TMEM132C: variants seen among roughly 807,000 people sequenced by gnomAD.
TMEM132C encodes protein phosphatase 1, regulatory subunit 152.
A neutral mutation model predicts 61.4 loss-of-function variants in TMEM132C; 29 were observed. That is an observed-to-expected ratio of 0.47 (90% confidence interval 0.35 to 0.64). The LOEUF is 0.64. Ranked by LOEUF, TMEM132C falls within the 30% of genes least tolerant of loss-of-function variation. The pLI is 0.00. For missense variants in TMEM132C, 1,408 were observed against 1,476.9 expected, an observed-to-expected ratio of 0.95 and a Z score of 0.76; for synonymous variants, 656 against 633.1, an observed-to-expected ratio of 1.04 and a Z score of -0.54.
At chr12:128,619,708 G>A (rs1953942275) in intron 4 of TMEM132C, among the ~76,000 whole-genome samples, 1 of 151,906 alleles carries the variant, frequency 6.6e-6, no homozygotes, top group Non-Finnish European at 1.5e-5. Flanking sequence ...GATGGGGTGA[G>A]AGAGGTATCT....
intron 1 of TMEM132C, among the ~76,000 whole-genome samples, chr12:128,289,504 G>A (rs6486496): frequency 0.15 from 22,432 of 152,082 alleles, 2,012 homozygotes; most frequent in East Asian, 0.35. Flanking sequence ...CCAAGAACAC[G>A]GCGTACCTGG....
At chr12:128,517,718 G>A (rs79508453) in intron 2 of TMEM132C, among the ~76,000 whole-genome samples, 5,269 of 152,128 alleles carry the variant, frequency 0.035, 245 homozygotes, top group African/African-American at 0.11. Context: ...CATTGCAGAC[G>A]TTGTTATTGG....
chr12:128,268,275 G>T (rs7310371), intron 1 of TMEM132C, among the ~76,000 whole-genome samples: 54,597 of 152,184 alleles, frequency 0.36, 10,114 homozygotes, highest in Middle Eastern at 0.44. Flanking sequence ...AACGTATGGC[G>T]CCCGCAGGGC....
chr12:128,433,880 C>T (rs35667766), intron 2 of TMEM132C, among the ~76,000 whole-genome samples: 27,711 of 152,234 alleles, frequency 0.18, 2,933 homozygotes, highest in East Asian at 0.32. Flanking sequence ...CCCTATGTTT[C>T]CTGTGCAGTA....
intron 1 of TMEM132C, among the ~76,000 whole-genome samples, chr12:128,289,289 C>T (rs923611872): frequency 2.6e-5 from 4 of 152,164 alleles, no homozygotes; most frequent in South Asian, 2.1e-4. Flanking sequence ...TGCTCATGTG[C>T]GCACACACAC....
At chr12:128,651,587 G>A (rs1240886241) in intron 4 of TMEM132C, among the ~76,000 whole-genome samples, 2 of 152,180 alleles carry the variant, frequency 1.3e-5, no homozygotes, top group African/African-American at 2.4e-5. Flanking sequence ...GAGGAACAGC[G>A]ACTGAGAGAC....
chr12:128,423,131 A>G (rs1271599834), intron 2 of TMEM132C, among the ~76,000 whole-genome samples: 4 of 152,238 alleles, frequency 2.6e-5, no homozygotes, highest in Non-Finnish European at 4.4e-5. Context: ...CTCTCTCACG[A>G]ATAAAGACAG....
At position 128,415,373 on chromosome 12, in the gene TMEM132C, G is replaced by A. The variant is rs544445512; in HGVS notation, c.727G>A (p.Gly243Arg). 1.1e-5 allele frequency: 17 copies of A among 1,555,336 alleles called. No individual in the cohort carries two copies. Among genetic ancestry groups the A allele is most frequent in the East Asian group, 2.4e-5 (1 of 41,482 alleles). Residue 243 changes from glycine to arginine, a missense_variant, in exon 2 of 9, where the codon GGG becomes AGG. Coordinates refer to ENST00000435159, the MANE Select transcript of TMEM132C (RefSeq NM_001136103.3). This position sits in a 1 kb window ranked among gnomAD's most constrained non-coding sequence, Gnocchi z 5.8. ...AGGAAACGAGCGAGGGGACTGTGCC[G>A]GGGGTGACTTCAGGAAGGGCAACGC... is the stretch of plus-strand genomic sequence containing the variant. ...HPGNERGDCA[G>R]GDFRKGNAIR...
chr12:128,498,064 G>A (rs962822424), intron 2 of TMEM132C, among the ~76,000 whole-genome samples: 4 of 152,088 alleles, frequency 2.6e-5, no homozygotes, highest in Admixed American at 2.6e-4. Flanking sequence ...TAGCATGTTT[G>A]GGTGGGCTCA....
intron 5 of TMEM132C, among the ~76,000 whole-genome samples, chr12:128,684,286 A>G (rs917842206): frequency 6.6e-6 from 1 of 152,180 alleles, no homozygotes; most frequent in African/African-American, 2.4e-5. Context: ...ATTGGTTGAA[A>G]GAAAGAATCC....
intron 3 of TMEM132C, among the ~76,000 whole-genome samples, chr12:128,612,054 T>C (rs562570003): frequency 3.9e-5 from 6 of 152,150 alleles, no homozygotes; most frequent in Non-Finnish European, 7.4e-5. Flanking sequence ...AGAATATGAA[T>C]GTACAAAAAT....
At chr12:128,465,733 G>A (rs945951835) in intron 2 of TMEM132C, among the ~76,000 whole-genome samples, 2 of 152,248 alleles carry the variant, frequency 1.3e-5, no homozygotes, top group Non-Finnish European at 2.9e-5. Flanking sequence ...AGGGCCAAAA[G>A]AACACCCTCA....
rs148997888 is a variant in TMEM132C, at chr12:128,585,694, G to A, written c.1122-30458G>A. 1.7e-3 allele frequency among the ~76,000 whole-genome samples: 264 copies of A among 152,306 alleles called. 2 individuals carry two copies. Among genetic ancestry groups the A allele is most frequent in the South Asian group, 0.012 (59 of 4,818 alleles). On this transcript the variant is annotated intron_variant, in intron 3 of 8. Transcript: ENST00000435159. ...AGTCAAAGCAGCAAGCAGCGTGTGC[G>A]GTGTGCTACTATTTGAGGTTAAAAA...
Position 128,681,688 on chromosome 12 carries a change from C to A in TMEM132C, c.1449+12128C>A, listed in dbSNP as rs544169945. ...TTTTTTTTTGAGACAGAGTCTCACC[C>A]TATCTCCCAGGCTGGAGTGCAGTGG... is the stretch of plus-strand genomic sequence containing the variant. On this transcript the variant is annotated intron_variant, in intron 5 of 8. Coordinates refer to ENST00000435159, the MANE Select transcript of TMEM132C (RefSeq NM_001136103.3). Among the ~76,000 whole-genome samples the A allele has an allele frequency of 1.5e-3, 212 of 138,366 alleles. 1 individual carries two copies. Among genetic ancestry groups the A allele is most frequent in the African/African-American group, 5.4e-3 (202 of 37,186 alleles). 90.8% of individuals were successfully genotyped at this position (138,366 alleles called of 152,430 possible).
intron 1 of TMEM132C, among the ~76,000 whole-genome samples, chr12:128,363,257 A>T (rs371029768): frequency 6.6e-6 from 1 of 152,252 alleles, no homozygotes; most frequent in South Asian, 2.1e-4. Flanking sequence ...AATTATTTTC[A>T]TAACTGTCAC....
chr12:128,364,751 G>A (rs1398426044), intron 1 of TMEM132C, among the ~76,000 whole-genome samples: 3 of 152,282 alleles, frequency 2.0e-5, no homozygotes, highest in Non-Finnish European at 4.4e-5. Context: ...CATGGCCTGA[G>A]GGACACAGTG....
intron 1 of TMEM132C, among the ~76,000 whole-genome samples, chr12:128,303,658 G>A (rs752293749): frequency 9.9e-5 from 15 of 152,170 alleles, no homozygotes; most frequent in African/African-American, 1.4e-4. Context: ...TGCTTGCTAC[G>A]GTAGATTGCA....
chr12:128,453,144 G>A (rs985678318), intron 2 of TMEM132C, among the ~76,000 whole-genome samples: 8 of 152,176 alleles, frequency 5.3e-5, no homozygotes, highest in Non-Finnish European at 1.2e-4. Context: ...GTGTCCCTGC[G>A]AAGGTGGTTT....
intron 1 of TMEM132C, among the ~76,000 whole-genome samples, chr12:128,347,271 G>T (rs984576326): frequency 6.6e-6 from 1 of 152,160 alleles, no homozygotes; most frequent in African/African-American, 2.4e-5. Flanking sequence ...CTGTTTTACA[G>T]CTGAGTAGTA....
Sources: gnomAD v4.1 joint callset for allele counts (sites outside exome capture counted in the v4.1 genomes callset) on GRCh38, gnomAD v4.1.1 for gene constraint, Gnocchi (gnomAD v3.1) non-coding constraint, MANE v1.5 for transcripts, NCBI Gene and HGNC (gene_info 2026-07-23, HGNC 2026-07-21) for gene names.